WDR49: variants seen among roughly 807,000 people sequenced by gnomAD.
WDR49 encodes the protein cilia- and flagella-associated protein 337.
In WDR49, 107 loss-of-function variants were observed where a neutral mutation model predicts 119.5. The ratio of observed to expected loss-of-function variants is 0.90; its 90% CI spans 0.77 to 1.05. The LOEUF (loss-of-function observed/expected upper bound fraction) is 1.05, where lower values mean the gene tolerates loss of function less well. WDR49 is among the 50% of genes least tolerant of loss of function. WDR49 has a pLI of 0.00. For missense variants in WDR49, 1,240 were observed against 1,220.5 expected, an observed-to-expected ratio of 1.02 and a Z score of -0.24; for synonymous variants, 425 against 418.8, an observed-to-expected ratio of 1.01 and a Z score of -0.18.
intron 10 of WDR49, among the ~76,000 whole-genome samples, chr3:167,539,381 A>G (rs949574807): frequency 6.6e-6 from 1 of 151,932 alleles, no homozygotes; most frequent in Non-Finnish European, 1.5e-5. Flanking sequence ...TCATGCCTCT[A>G]TGAATTTCTT....
At chr3:167,560,017 T>C (rs1007739411) in intron 9 of WDR49, 47 bp downstream of exon 9, 3 of 1,597,348 alleles carry the variant, frequency 1.9e-6, no homozygotes, top group Non-Finnish European at 2.6e-6. Flanking sequence ...TGGCATAGTA[T>C]TTTAGTCTCC....
intron 2 of WDR49, among the ~76,000 whole-genome samples, chr3:167,631,712 T>G (rs909838421): frequency 1.3e-5 from 2 of 151,970 alleles, no homozygotes; most frequent in Non-Finnish European, 2.9e-5. Flanking sequence ...GTCAAACCAA[T>G]GTAGGTTTAA....
chr3:167,560,220 G>A lies in WDR49; in HGVS notation c.1518C>T (p.Ser506=). The A allele has an allele frequency of 6.2e-7, 1 of 1,611,914 alleles. No individual in the cohort carries two copies. The highest frequency in any genetic ancestry group is 8.5e-7 in the Non-Finnish European group (1 of 1,179,390). Reference sequence around the variant, plus strand: ...AGGAAACAGTAGACCCTGTATCAGAGCTGATTACCTAAGAGAAAATAACAT... The same window carrying A: ...AGGAAACAGTAGACCCTGTATCAGAACTGATTACCTAAGAGAAAATAACAT... The part of the protein sequence containing the change: ...LYNSILKQVI[S]SDTGSTVSFW... Residue 506 remains serine, a synonymous_variant, in exon 9 of 19, where the codon AGC becomes AGT. Transcript: ENST00000682715.
chr3:167,533,624 T>C (rs2108244727), intron 11 of WDR49, among the ~76,000 whole-genome samples: 1 of 152,222 alleles, frequency 6.6e-6, no homozygotes, highest in South Asian at 2.1e-4. Context: ...TTGAATATTG[T>C]CTTCTCCAAT....
intron 8 of WDR49, among the ~76,000 whole-genome samples, chr3:167,563,140 G>A (rs551114966): frequency 7.5e-4 from 114 of 152,236 alleles, no homozygotes; most frequent in African/African-American, 2.6e-3. Flanking sequence ...GCCGAGGCGG[G>A]CAGATCACGA....
At chr3:167,538,614 G>T (rs1313562892) in intron 10 of WDR49, among the ~76,000 whole-genome samples, 1 of 151,764 alleles carries the variant, frequency 6.6e-6, no homozygotes, top group Non-Finnish European at 1.5e-5. Flanking sequence ...TATTCTATAA[G>T]AATTTCTTAT....
chr3:167,577,145 A>G (rs1714290049), intron 7 of WDR49, among the ~76,000 whole-genome samples: 2 of 152,170 alleles, frequency 1.3e-5, no homozygotes, highest in Admixed American at 6.5e-5. Context: ...GTTGCTTTAG[A>G]TTCAATAGAC....
At chr3:167,520,066 T>C (rs1006960409) in intron 16 of WDR49, among the ~76,000 whole-genome samples, 24 of 138,520 alleles carry the variant, frequency 1.7e-4, no homozygotes, top group African/African-American at 6.8e-4. Context: ...AAACCTCATC[T>C]ATAAAGAAAA....
rs1169882671 is a variant in WDR49, at chr3:167,532,909, C to T, written c.2023G>A (p.Asp675Asn). The change falls in exon 12 of 19, where the codon GAT (aspartate) becomes AAT (asparagine). Residue 675 changes from aspartate (D) to asparagine (N), a missense_variant. Physicochemically the swap from Asp to Asn is conservative, Grantham distance 23. Transcript: ENST00000682715. ...TTTGACTTTAGCAACCTCTGGTAAT[C>T]AGGGTGAAGAACATGGTGAGCATTC... ...TENAHHVLHP[D>N]YQRLLKSKLD... is the part of the protein sequence containing the mutation. The T allele has an allele frequency of 6.2e-7, 1 of 1,609,006 alleles. No individual in the cohort carries two copies. The highest frequency in any genetic ancestry group is 1.7e-5 in the Admixed American group (1 of 59,650).
At chr3:167,493,520 T>C in intron 18 of WDR49, among the ~76,000 whole-genome samples, 1 of 152,172 alleles carries the variant, frequency 6.6e-6, no homozygotes, top group Non-Finnish European at 1.5e-5. Context: ...TGCCATTCAG[T>C]GAGGCATGGA....
chr3:167,519,039 G>A (rs1752325143), intron 16 of WDR49, among the ~76,000 whole-genome samples: 1 of 151,892 alleles, frequency 6.6e-6, no homozygotes, highest in Non-Finnish European at 1.5e-5. Flanking sequence ...CAACATCACT[G>A]ATCATTAGAG....
chr3:167,536,966 G>C lies in WDR49; in HGVS notation c.1858C>G (p.Gln620Glu). 6.3e-7 allele frequency: 1 copy of C among 1,590,922 alleles called. No homozygotes were observed. The highest frequency in any genetic ancestry group is 1.1e-5 in the South Asian group (1 of 87,100). ...ITVFRPQNFN[Q>E]FFIQPEEWKG... ...CATTCTTCAGGCTGGATGAAAAATT[G>C]ATTGAAGTTTTGGGGTCGAAACACA... The change falls in exon 11 of 19, where the codon CAA (glutamine) becomes GAA (glutamate). Residue 620 changes from glutamine (Q) to glutamate (E), a missense_variant. Physicochemically the swap from Gln to Glu is conservative, Grantham distance 29. Transcript: ENST00000682715.
At chr3:167,500,112 T>C in intron 18 of WDR49, 41 bp downstream of exon 18, 1 of 1,492,194 alleles carries the variant, frequency 6.7e-7, no homozygotes, top group Non-Finnish European at 8.9e-7. Context: ...CTAAGTTTCC[T>C]GAAGAGGGAT....
rs114933542 is a variant in WDR49 at position 167,574,256 on chromosome 3, T to C, written c.1509+1662A>G. Among the ~76,000 whole-genome samples the C allele has an allele frequency of 4.3e-3, 656 of 152,338 alleles. 6 individuals are homozygous for C. Among genetic ancestry groups the C allele is most frequent in the African/African-American group, 0.015 (634 of 41,572 alleles). On this transcript the variant is annotated intron_variant, in intron 8 of 18. Coordinates refer to ENST00000682715, the MANE Select transcript of WDR49 (RefSeq NM_001366157.1). ...AACTATAGTTTATTATCTCTAATTC[T>C]TCATTCTTGGTACGACACTTGTTCA... is the stretch of plus-strand genomic sequence containing the variant.
chr3:167,501,744 T>C (rs936190708), intron 17 of WDR49, among the ~76,000 whole-genome samples: 1 of 152,212 alleles, frequency 6.6e-6, no homozygotes, highest in African/African-American at 2.4e-5. Flanking sequence ...TCCTTTGTTT[T>C]AGGTTACTGG....
intron 17 of WDR49, among the ~76,000 whole-genome samples, chr3:167,503,235 C>G (rs1751644149): frequency 6.6e-6 from 1 of 152,196 alleles, no homozygotes; most frequent in African/African-American, 2.4e-5. Context: ...ACAATCTCAC[C>G]TCGATTTCAG....
At chr3:167,489,897 A>T (rs1751066185) in intron 18 of WDR49, among the ~76,000 whole-genome samples, 1 of 152,100 alleles carries the variant, frequency 6.6e-6, no homozygotes, top group Non-Finnish European at 1.5e-5. Context: ...ACAAATTCTT[A>T]TTTATCAAAC....
rs554414857 is a variant in WDR49 at position 167,533,308 on chromosome 3, G to T, written c.1955-331C>A. ...TCTCCCACTTACTGTGTGACCTTGG[G>T]CATGTTATTTAACTCTGCTTGATGC... is the stretch of plus-strand genomic sequence containing the variant. On this transcript the variant is annotated intron_variant, in intron 11 of 18. Transcript: ENST00000682715. Among the ~76,000 whole-genome samples the T allele has an allele frequency of 4.5e-4, 69 of 152,064 alleles. 1 individual carries two copies. The South Asian group carries it at 4.8e-3, about 11-fold the overall frequency.
chr3:167,573,500 C>T (rs1714061178), intron 8 of WDR49, among the ~76,000 whole-genome samples: 1 of 151,690 alleles, frequency 6.6e-6, no homozygotes, highest in South Asian at 2.1e-4. Context: ...GACATTAAAA[C>T]ACAAGAATAT....
Sources: allele counts gnomAD v4.1 joint callset (sites outside exome capture counted in the v4.1 genomes callset), GRCh38; gene constraint gnomAD v4.1.1; transcripts MANE v1.5; gene names NCBI Gene and HGNC (gene_info 2026-07-23, HGNC 2026-07-21).